Variants in TMC3 observed in about 807,000 individuals in gnomAD.
TMC3 encodes the protein transmembrane channel-like protein 3.
Under a neutral mutation model 110.6 loss-of-function variants are expected in TMC3, and 98 were observed. That is an observed-to-expected ratio of 0.89 (90% CI 0.75 to 1.05). TMC3 has a LOEUF of 1.05. Ranked by LOEUF, TMC3 falls within the 50% of genes least tolerant of loss-of-function variation. The pLI is 0.00. For missense variants in TMC3, 1,319 were observed against 1,373.2 expected, an observed-to-expected ratio of 0.96 and a Z score of 0.62; for synonymous variants, 489 against 513.1, an observed-to-expected ratio of 0.95 and a Z score of 0.63.
At position 81,338,668 on chromosome 15, in the gene TMC3, C is replaced by G. The variant is rs372451698; in HGVS notation, c.2068G>C (p.Val690Leu). Residue 690 changes from valine to leucine, a missense_variant, in exon 18 of 22, where the codon GTA becomes CTA. Coordinates refer to ENST00000359440, the MANE Select transcript of TMC3 (RefSeq NM_001080532.3). ...ISSPVVILPA[V>L]LLLFMLIYYL... ...TGTGGTACTCACAAAAGCAGGAGTA[C>G]TGCGGGCAGGATGACCACGGGGCTA... 1.2e-6 allele frequency: 2 copies of G among 1,613,960 alleles called. No homozygotes were observed. Among genetic ancestry groups the G allele is most frequent in the Admixed American group, 3.3e-5 (2 of 60,018 alleles).
intron 2 of TMC3, among the ~76,000 whole-genome samples, chr15:81,371,457 A>C (rs746992718): frequency 6.6e-6 from 1 of 152,198 alleles, no homozygotes; most frequent in Non-Finnish European, 1.5e-5. Flanking sequence ...AAGGGCAGTG[A>C]AGATCAAGAT....
At chr15:81,337,225 T>C (rs1333657977) in intron 19 of TMC3, among the ~76,000 whole-genome samples, 1 of 152,122 alleles carries the variant, frequency 6.6e-6, no homozygotes, top group Non-Finnish European at 1.5e-5. Context: ...ATGTGGTGCT[T>C]TGGGAGCCTC....
intron 18 of TMC3, 85 bp from the exon 19 acceptor site, chr15:81,338,009 G>A: frequency 9.2e-7 from 1 of 1,082,010 alleles, no homozygotes. Context: ...ATAGTTGGCA[G>A]GAATGAGAGG....
At chr15:81,368,121 G>T (rs1189155116) in intron 3 of TMC3, 132 bp downstream of exon 3, 5 of 627,004 alleles carry the variant, frequency 8.0e-6, no homozygotes, top group African/African-American at 5.6e-5. Flanking sequence ...TTTTAGTAGA[G>T]ATGGGGTTTC....
At chr15:81,366,054 A>G (rs12591559) in intron 3 of TMC3, among the ~76,000 whole-genome samples, 5,116 of 152,318 alleles carry the variant, frequency 0.034, 135 homozygotes, top group East Asian at 0.16. Context: ...ATGACAGTTC[A>G]TGAAAAGCAT....
rs146506274 is a variant in TMC3 at position 81,356,529 on chromosome 15, C to T, written c.809G>A (p.Arg270Gln). The T allele has an allele frequency of 1.0e-3, 1,645 of 1,578,712 alleles. 7 individuals are homozygous for T. Among genetic ancestry groups the T allele is most frequent in the Middle Eastern group, 3.7e-3 (22 of 6,022 alleles). ...ASNENYTFCW[R>Q]VFCAWDYLIG... is the part of the protein sequence containing the mutation. ...GAGGTAATCCCAGGCACAGAACACCCGCCAGCAGAAGGTATAGTTTTCATT... is the reference window on the plus strand; with the variant it reads ...GAGGTAATCCCAGGCACAGAACACCTGCCAGCAGAAGGTATAGTTTTCATT... Residue 270 changes from arginine to glutamine, a missense_variant, in exon 8 of 22, where the codon CGG becomes CAG. Transcript: ENST00000359440.
chr15:81,359,494 G>A, intron 4 of TMC3, 23 bp from the exon 5 acceptor site: 1 of 1,479,668 alleles, frequency 6.8e-7, no homozygotes. Context: ...AAGATAATGA[G>A]AACAGTTTAA....
chr15:81,351,711 G>T lies in TMC3; in HGVS notation c.1066C>A (p.Leu356Ile), dbSNP rs1162552493. The T allele has an allele frequency of 6.4e-7, 1 of 1,556,484 alleles. No homozygotes were observed. Among genetic ancestry groups the T allele is most frequent in the East Asian group, 2.4e-5 (1 of 41,160 alleles). Residue 356 changes from leucine to isoleucine, a missense_variant, in exon 10 of 22, where the codon CTT (leucine) becomes ATT (isoleucine). Physicochemically the swap from Leu to Ile is conservative, Grantham distance 5. Coordinates refer to ENST00000359440, the MANE Select transcript of TMC3 (RefSeq NM_001080532.3). ...GTGGGTACCTCATTCTTTTCCCAAAGTGTCAGCTCCTTCTTCGACTGCTCC... is the reference window on the plus strand; with the variant it reads ...GTGGGTACCTCATTCTTTTCCCAAATTGTCAGCTCCTTCTTCGACTGCTCC... ...KLEQSKKELT[L>I]WEKNEVSVVV...
At chr15:81,340,302 G>A (rs1893686961) in intron 16 of TMC3, among the ~76,000 whole-genome samples, 2 of 152,176 alleles carry the variant, frequency 1.3e-5, no homozygotes, top group Admixed American at 1.3e-4. Flanking sequence ...AGCACAGAAT[G>A]TAGTAGGAGA....
At chr15:81,366,722 T>C (rs1323478901) in intron 3 of TMC3, among the ~76,000 whole-genome samples, 1 of 152,182 alleles carries the variant, frequency 6.6e-6, no homozygotes, top group East Asian at 1.9e-4. Flanking sequence ...GATGATTTGG[T>C]CATAAAAACA....
chr15:81,360,089 G>A (rs952463112), intron 4 of TMC3, among the ~76,000 whole-genome samples: 3 of 151,604 alleles, frequency 2.0e-5, no homozygotes, highest in African/African-American at 7.3e-5. Flanking sequence ...TCTGGAGTAG[G>A]TAGTTTTATG....
chr15:81,339,335 A>T, intron 17 of TMC3, 59 bp downstream of exon 17: 1 of 1,262,626 alleles, frequency 7.9e-7, no homozygotes, highest in Non-Finnish European at 1.1e-6. Flanking sequence ...TCAGTTCAAT[A>T]TGATCTAATT....
chr15:81,343,841 T>G, intron 14 of TMC3, 76 bp downstream of exon 14: 1 of 1,536,320 alleles, frequency 6.5e-7, no homozygotes, highest in Admixed American at 1.7e-5. Context: ...TATGCTGGAC[T>G]GTTTCCCAGC....
At chr15:81,333,389 A>G (rs2141687549) in intron 21 of TMC3, 127 bp from the exon 22 acceptor site, 4 of 1,290,220 alleles carry the variant, frequency 3.1e-6, no homozygotes, top group Non-Finnish European at 4.2e-6. Flanking sequence ...GTTAATGGGT[A>G]TGGATTGTGT....
chr15:81,362,267 A>C lies in TMC3; in HGVS notation c.347T>G (p.Phe116Cys), dbSNP rs772102444. The C allele has an allele frequency of 6.2e-7, 1 of 1,612,768 alleles. No homozygotes were observed. Among genetic ancestry groups the C allele is most frequent in the Admixed American group, 1.7e-5 (1 of 59,910 alleles). ...WRKFARLACN[F>C]VVIFIPWEMR... ...TTCCCAGGGAATGAAGATGACCACA[A>C]AGTTACAGGCGAGACGAGCAAATTT... The change falls in exon 4 of 22, where the codon TTT becomes TGT. Residue 116 changes from phenylalanine to cysteine, a missense_variant. By Grantham distance (205) the Phe-to-Cys change is radical. Coordinates refer to ENST00000359440, the MANE Select transcript of TMC3 (RefSeq NM_001080532.3).
intron 9 of TMC3, among the ~76,000 whole-genome samples, chr15:81,355,303 C>G (rs1425192391): frequency 6.6e-6 from 1 of 152,154 alleles, no homozygotes; most frequent in Non-Finnish European, 1.5e-5. Context: ...TTCACCCTCA[C>G]CAGCATAGCT....
chr15:81,336,976 A>G (rs1336047305), intron 19 of TMC3, among the ~76,000 whole-genome samples: 1 of 152,214 alleles, frequency 6.6e-6, no homozygotes, highest in Non-Finnish European at 1.5e-5. Flanking sequence ...CTGGAGATGT[A>G]TGTTTCCACC....
At chr15:81,360,124 T>G (rs1894154991) in intron 4 of TMC3, among the ~76,000 whole-genome samples, 1 of 152,064 alleles carries the variant, frequency 6.6e-6, no homozygotes, top group Admixed American at 6.6e-5. Context: ...AACTCTTAAA[T>G]TTTTATTTCA....
At chr15:81,372,403 CACACAG>C (rs1210806724) in intron 2 of TMC3, among the ~76,000 whole-genome samples, 182 bp downstream of exon 2, 17 of 130,222 alleles carry the variant, frequency 1.3e-4, no homozygotes, top group African/African-American at 3.2e-4. Context: ...CACACACACA[CACACAG>C]AGGAACTGGC....
Sources: gnomAD v4.1 joint callset for allele counts (sites outside exome capture counted in the v4.1 genomes callset) on GRCh38, gnomAD v4.1.1 for gene constraint, MANE v1.5 for transcripts, NCBI Gene and HGNC (gene_info 2026-07-23, HGNC 2026-07-21) for gene names.